CASS4: variants seen among roughly 807,000 people sequenced by gnomAD.
The protein encoded by CASS4 is Cas scaffold protein family member 4, also known as cas scaffolding protein family member 4.
Under a neutral mutation model 54.2 loss-of-function variants are expected in CASS4, and 22 were observed. The ratio of observed to expected loss-of-function variants is 0.41; its 90% CI spans 0.29 to 0.58. The LOEUF (loss-of-function observed/expected upper bound fraction) is 0.58, where lower values mean the gene tolerates loss of function less well. Among genes scored for constraint, CASS4 ranks in the 20% least tolerant of loss-of-function variants. The pLI, the probability that CASS4 is intolerant of heterozygous loss-of-function variation, is 0.36. For missense variants in CASS4, 854 were observed against 986.7 expected, an observed-to-expected ratio of 0.87 and a Z score of 1.80; for synonymous variants, 409 against 391.5, an observed-to-expected ratio of 1.04 and a Z score of -0.53.
rs112583744 is a variant in CASS4, at chr20:56,458,672, C to G, written c.2286C>G (p.Ala762=). The G allele has an allele frequency of 9.3e-6, 15 of 1,612,742 alleles. No homozygotes were observed. The South Asian group carries it at 1.4e-4, about 15-fold the overall frequency. Residue 762 remains alanine (A), a synonymous_variant, in exon 6 of 6, where the codon GCC becomes GCG. Coordinates refer to ENST00000679887, the MANE Select transcript of CASS4 (RefSeq NM_020356.4). ...CCGTGCTCACGTACCCCAGCCCTGCCGCGCTGGGGCACCTCCAGGCGGAGG... is the reference window on the plus strand; with the variant it reads ...CCGTGCTCACGTACCCCAGCCCTGCGGCGCTGGGGCACCTCCAGGCGGAGG... The part of the protein sequence containing the change: ...KNAVLTYPSP[A]ALGHLQAEAE...
At chr20:56,427,663 T>C (rs994366269) in intron 1 of CASS4, among the ~76,000 whole-genome samples, 2 of 152,214 alleles carry the variant, frequency 1.3e-5, no homozygotes, top group African/African-American at 2.4e-5. Flanking sequence ...AGCTCCTACA[T>C]CCATGGAAAT....
chr20:56,450,515 A>C, intron 3 of CASS4, 84 bp from the exon 4 acceptor site: 1 of 1,266,510 alleles, frequency 7.9e-7, no homozygotes. Flanking sequence ...CTTTGGAAAA[A>C]AACACTGGAA....
intron 2 of CASS4, among the ~76,000 whole-genome samples, chr20:56,440,870 AC>A (rs1048519112): frequency 1.3e-5 from 2 of 150,070 alleles, no homozygotes; most frequent in African/African-American, 4.9e-5. Context: ...CCACAGTAAA[AC>A]CCCCCAGGGG....
rs942097864 is a variant in CASS4, at chr20:56,452,230, A to G, written c.1054A>G (p.Ile352Val). 38 of 1,614,094 alleles carry G rather than the reference A, an allele frequency of 2.4e-5. No homozygotes were observed. Among genetic ancestry groups the G allele is most frequent in the Non-Finnish European group, 3.1e-5 (37 of 1,180,026 alleles). The change falls in exon 5 of 6, where the codon ATC (isoleucine) becomes GTC (valine). Residue 352 changes from isoleucine to valine, a missense_variant. Physicochemically the swap from Ile to Val is conservative, Grantham distance 29. Transcript: ENST00000679887. ...QQNTKPNIYD[I>V]PKATSSVSQA... ...GAACACCAAGCCCAATATTTATGAC[A>G]TCCCTAAAGCAACGTCGAGTGTTTC... is the stretch of plus-strand genomic sequence containing the variant.
intron 1 of CASS4, among the ~76,000 whole-genome samples, chr20:56,419,001 TG>T (rs892638951): frequency 1.3e-5 from 2 of 152,010 alleles, no homozygotes; most frequent in Non-Finnish European, 2.9e-5. Context: ...AGAGCACACT[TG>T]GGGGGAAAAA....
At position 56,414,477 on chromosome 20, in the gene CASS4, C is replaced by T. The variant is rs897405739; in HGVS notation, c.36+1983C>T. On this transcript the variant is annotated intron_variant, in intron 1 of 5. Coordinates refer to ENST00000679887, the MANE Select transcript of CASS4 (RefSeq NM_020356.4). This position sits in a 1 kb window ranked among gnomAD's most constrained non-coding sequence, Gnocchi z 4.1. Reference sequence around the variant, plus strand: ...AATATTTTTAGCAATGGGGGTATCACTCTGTTGTCCAAGCTGGACTCAAAT... The same window carrying T: ...AATATTTTTAGCAATGGGGGTATCATTCTGTTGTCCAAGCTGGACTCAAAT... Among the ~76,000 whole-genome samples, 7 of 152,030 alleles carry T rather than the reference C, an allele frequency of 4.6e-5. No individual in the cohort carries two copies. Among genetic ancestry groups the T allele is most frequent in the African/African-American group, 1.7e-4 (7 of 41,394 alleles).
At chr20:56,427,188 A>C (rs1979678823) in intron 1 of CASS4, among the ~76,000 whole-genome samples, 1 of 151,794 alleles carries the variant, frequency 6.6e-6, no homozygotes, top group African/African-American at 2.4e-5. Flanking sequence ...AAAAAAAAAA[A>C]AAAACCCTCT....
At chr20:56,447,959 G>A (rs1020298421) in intron 3 of CASS4, among the ~76,000 whole-genome samples, 2 of 152,230 alleles carry the variant, frequency 1.3e-5, no homozygotes, top group East Asian at 3.9e-4. Flanking sequence ...TGGCTAACGC[G>A]GTGAAACCCC....
At chr20:56,417,465 G>A (rs531633598) in intron 1 of CASS4, among the ~76,000 whole-genome samples, 29 of 152,036 alleles carry the variant, frequency 1.9e-4, no homozygotes, top group African/African-American at 3.4e-4. Flanking sequence ...CAGGCCCACC[G>A]CCAACACTCT....
intron 1 of CASS4, among the ~76,000 whole-genome samples, chr20:56,423,981 GC>G (rs1979525600): frequency 6.6e-6 from 1 of 152,136 alleles, no homozygotes; most frequent in Non-Finnish European, 1.5e-5. Context: ...CAAAAACGGG[GC>G]TGAAGCAGAA....
Position 56,430,093 on chromosome 20 carries a change from G to A in CASS4, c.37-7071G>A, listed in dbSNP as rs559128326. Among the ~76,000 whole-genome samples, 11 of 152,146 alleles carry A rather than the reference G, an allele frequency of 7.2e-5. No homozygotes were observed. Among genetic ancestry groups the A allele is most frequent in the Non-Finnish European group, 1.3e-4 (9 of 68,034 alleles). On this transcript the variant is annotated intron_variant, in intron 1 of 5. Coordinates refer to ENST00000679887, the MANE Select transcript of CASS4 (RefSeq NM_020356.4). This position sits in a 1 kb window ranked among gnomAD's most constrained non-coding sequence, Gnocchi z 4.2. ...ACACGTGATGCTCAATACAATCTTG[G>A]TGAATGAATGAATGAATGAATTGCT...
intron 1 of CASS4, among the ~76,000 whole-genome samples, chr20:56,436,878 C>A (rs563233670): frequency 6.6e-6 from 1 of 152,146 alleles, no homozygotes; most frequent in African/African-American, 2.4e-5. Flanking sequence ...CAGAGTGAGA[C>A]CCTGTCTCAA....
rs1033834994 is a variant in CASS4 at position 56,432,326 on chromosome 20, T to C, written c.37-4838T>C. Among the ~76,000 whole-genome samples, 14 of 151,384 alleles carry C rather than the reference T, an allele frequency of 9.2e-5. 1 individual carries two copies. The highest frequency in any genetic ancestry group is 7.9e-4 in the Admixed American group (12 of 15,180). ...TGTCTATTTAACTGGAAAAAAAATCTGCAAAGTAGCATGTAAGTTTCATAA... is the reference window on the plus strand; with the variant it reads ...TGTCTATTTAACTGGAAAAAAAATCCGCAAAGTAGCATGTAAGTTTCATAA... On this transcript the variant is annotated intron_variant, in intron 1 of 5. Coordinates refer to ENST00000679887, the MANE Select transcript of CASS4 (RefSeq NM_020356.4).
rs777828565 is a variant in CASS4 at position 56,452,766 on chromosome 20, G to A, written c.1590G>A (p.Leu530=). 1 of 1,614,048 alleles carries A rather than the reference G, an allele frequency of 6.2e-7. No homozygotes were observed. The highest frequency in any genetic ancestry group is 1.7e-5 in the Admixed American group (1 of 60,006). Residue 530 remains leucine, a synonymous_variant, in exon 5 of 6, where the codon CTG becomes CTA. Coordinates refer to ENST00000679887, the MANE Select transcript of CASS4 (RefSeq NM_020356.4). ...CCATCTCCAACTCCTACCGCATCCT[G>A]CTTGAAACAAAGGAAAGCTTGGATA... is the stretch of plus-strand genomic sequence containing the variant. The part of the protein sequence containing the change: ...MQTISNSYRI[L]LETKESLDNR...
chr20:56,451,882 A>T lies in CASS4; in HGVS notation c.706A>T (p.Asn236Tyr). 1.2e-6 allele frequency: 2 copies of T among 1,614,188 alleles called. No individual in the cohort carries two copies. Among genetic ancestry groups the T allele is most frequent in the East Asian group, 4.5e-5 (2 of 44,878 alleles). ...LRRGGYSTLPNPQKSEWIYDT... is the reference protein window; with the variant it reads ...LRRGGYSTLPYPQKSEWIYDT... ...AAGAGGCGGTTACAGCACATTACCA[A>T]ATCCTCAGAAATCGGAATGGATTTA... is the stretch of plus-strand genomic sequence containing the variant. Residue 236 changes from asparagine (N) to tyrosine (Y), a missense_variant, in exon 5 of 6, where the codon AAT (asparagine) becomes TAT (tyrosine). Coordinates refer to ENST00000679887, the MANE Select transcript of CASS4 (RefSeq NM_020356.4).
chr20:56,444,581 T>A (rs963414493), intron 2 of CASS4, among the ~76,000 whole-genome samples: 1 of 152,220 alleles, frequency 6.6e-6, no homozygotes, highest in Non-Finnish European at 1.5e-5. Context: ...TCAGGAGGTC[T>A]GGGTGGGAGA....
rs1980248453 is a variant in CASS4 at position 56,437,515 on chromosome 20, G to A, written c.388G>A (p.Val130Ile). ...AEGPQPPTAQ[V>I]YEFPDPPTSA... ...GGGGCCCCAGCCCCCTACTGCCCAA[G>A]TCTATGAATTCCCCGACCCTCCCAC... The change falls in exon 2 of 6, where the codon GTC (valine) becomes ATC (isoleucine). Residue 130 changes from valine to isoleucine, a missense_variant. Val to Ile is a conservative substitution (Grantham distance 29). Coordinates refer to ENST00000679887, the MANE Select transcript of CASS4 (RefSeq NM_020356.4). The surrounding 1 kb of genome is among the most constrained non-coding windows in gnomAD (Gnocchi z 4.7). The A allele has an allele frequency of 3.1e-6, 5 of 1,589,488 alleles. No homozygotes were observed. The highest frequency in any genetic ancestry group is 1.7e-4 in the Middle Eastern group (1 of 5,906).
chr20:56,429,410 G>A (rs1343377359), intron 1 of CASS4, among the ~76,000 whole-genome samples: 2 of 152,096 alleles, frequency 1.3e-5, no homozygotes, highest in African/African-American at 4.8e-5. Flanking sequence ...CCAAGCCACA[G>A]GCATCTCCCA....
At position 56,449,721 on chromosome 20, in the gene CASS4, G is replaced by A. The variant is rs1980902218; in HGVS notation, c.562-878G>A. Among the ~76,000 whole-genome samples the A allele has an allele frequency of 2.0e-5, 3 of 151,802 alleles. No homozygotes were observed. In the South Asian group the frequency reaches 6.3e-4, roughly 32 times the overall value. ...TAGGAAGCACAGTGCCTGGCACTTA[G>A]GTCATTGCTAAGATGCACATTTATC... On this transcript the variant is annotated intron_variant, in intron 3 of 5. Transcript: ENST00000679887.
Sources: allele counts gnomAD v4.1 joint callset (sites outside exome capture counted in the v4.1 genomes callset), GRCh38; gene constraint gnomAD v4.1.1; non-coding constraint Gnocchi (gnomAD v3.1); transcripts MANE v1.5; gene names NCBI Gene and HGNC (gene_info 2026-07-23, HGNC 2026-07-21).